The following DKKL1 variants were observed in gnomAD, a reference collection of about 807,000 sequenced individuals.
DKKL1 encodes the protein dickkopf like acrosomal protein 1, also known as dickkopf-like protein 1.
In DKKL1, 11 loss-of-function variants were observed where a neutral mutation model predicts 16.5. The ratio of observed to expected loss-of-function variants is 0.67; its 90% CI spans 0.42 to 1.10. DKKL1 has a LOEUF of 1.10. Among genes scored for constraint, DKKL1 ranks in the 50% least tolerant of loss-of-function variants. The probability of loss-of-function intolerance (pLI) is 0.00; values close to 1 mark genes in which losing one functional copy is unlikely to be tolerated. For synonymous variants in DKKL1, 119 were observed against 133.2 expected (o/e 0.89, Z 0.73); for missense variants, 320 against 308.1 (o/e 1.04, Z -0.29).
chr19:49,360,991 G>A (rs1397886873), upstream of DKKL1, among the ~76,000 whole-genome samples: 4 of 87,488 alleles, frequency 4.6e-5, no homozygotes, highest in Non-Finnish European at 8.8e-5. Flanking sequence ...AGAGAGAGGG[G>A]GACAGAGACC....
In DKKL1 at chr19:49,365,550, C is replaced by A; in HGVS notation, c.225C>A (p.Pro75=). The A allele has an allele frequency of 1.9e-6, 3 of 1,613,698 alleles. No individual in the cohort carries two copies. The highest frequency in any genetic ancestry group is 2.5e-6 in the Non-Finnish European group (3 of 1,179,826). Residue 75 remains proline, a synonymous_variant, in exon 3 of 5, where the codon CCC becomes CCA. Coordinates refer to ENST00000221498, the MANE Select transcript of DKKL1 (RefSeq NM_014419.4). ...GCATAGACAGCTTATTCTCTGCCCC[C>A]ATGGACTTCCGGGGCCTCCCTGGGA... ...LRGIDSLFSA[P]MDFRGLPGNY...
At chr19:49,364,248 G>A (rs1214694122) in intron 1 of DKKL1, among the ~76,000 whole-genome samples, 1 of 151,952 alleles carries the variant, frequency 6.6e-6, no homozygotes, top group Non-Finnish European at 1.5e-5. Context: ...TACTTCGGGG[G>A]GCTGAGGTGG....
At chr19:49,372,175 T>C (rs537792540) in intron 4 of DKKL1, among the ~76,000 whole-genome samples, 72 of 152,294 alleles carry the variant, frequency 4.7e-4, no homozygotes, top group African/African-American at 1.7e-3. Context: ...GTTGGCATCA[T>C]TGGCATGTGG....
chr19:49,364,766 C>G lies in DKKL1; in HGVS notation c.183+12C>G. ...GACTTTTCCTGAAAGTAAGCGATGG[C>G]GGGGGGATGGGGGAAGAAGTACTGA... On this transcript the variant is annotated intron_variant, in intron 2 of 4. Coordinates refer to ENST00000221498, the MANE Select transcript of DKKL1 (RefSeq NM_014419.4). 1 of 1,609,512 alleles carries G rather than the reference C, an allele frequency of 6.2e-7. No individual in the cohort carries two copies. Among genetic ancestry groups the G allele is most frequent in the Non-Finnish European group, 8.5e-7 (1 of 1,177,676 alleles).
In DKKL1 at chr19:49,374,798, G is replaced by GT; in HGVS notation, c.500dup (p.Ala168GlyfsTer6). The GT allele has an allele frequency of 6.2e-7, 1 of 1,612,598 alleles. No homozygotes were observed. The highest frequency in any genetic ancestry group is 1.1e-5 in the South Asian group (1 of 90,846). ...CTTCCACACAGAACTCCATCCCCGG[G>GT]TGGCCTTCTGGATCATTAAGCTGCC... is the stretch of plus-strand genomic sequence containing the variant. On this transcript the variant is annotated frameshift_variant, in exon 5 of 5. Coordinates refer to ENST00000221498, the MANE Select transcript of DKKL1 (RefSeq NM_014419.4). LOFTEE classifies it low-confidence loss of function (END_TRUNC).
At chr19:49,367,277 C>T (rs1358611993) in intron 4 of DKKL1, among the ~76,000 whole-genome samples, 1 of 152,228 alleles carries the variant, frequency 6.6e-6, no homozygotes, top group African/African-American at 2.4e-5. Context: ...CTCAGCTGAT[C>T]CACCTGCCTC....
At chr19:49,373,920 CCAAA>C (rs148555908) in intron 4 of DKKL1, among the ~76,000 whole-genome samples, 3,510 of 152,132 alleles carry the variant, frequency 0.023, 148 homozygotes, top group African/African-American at 0.08. Context: ...ATTGCAAGGA[CCAAA>C]CAGACACTCA....
chr19:49,362,911 GTTTT>G (rs146994868), upstream of DKKL1, among the ~76,000 whole-genome samples: 1 of 137,084 alleles, frequency 7.3e-6, no homozygotes, highest in African/African-American at 2.8e-5. Flanking sequence ...TTGGTTTTTG[GTTTT>G]TTTGTTTTTT....
intron 4 of DKKL1, among the ~76,000 whole-genome samples, chr19:49,371,970 T>A (rs1380706005): frequency 6.6e-6 from 1 of 152,230 alleles, no homozygotes; most frequent in African/African-American, 2.4e-5. Flanking sequence ...TGTGGCCGAA[T>A]AGTATTCCAT....
At chr19:49,371,749 C>G (rs922836106) in intron 4 of DKKL1, among the ~76,000 whole-genome samples, 9 of 152,102 alleles carry the variant, frequency 5.9e-5, no homozygotes, top group African/African-American at 2.2e-4. Flanking sequence ...GGTGTTTCTC[C>G]TGATGCTATC....
At position 49,363,954 on chromosome 19, in the gene DKKL1, G is replaced by C; in HGVS notation, c.-45G>C. ...GGAATCCGGGAGTCCGGTGACCCGG[G>C]CTGTGGTCTAGCATAAAGGCGGAGC... On this transcript the variant is annotated 5_prime_UTR_variant, in exon 1 of 5. Coordinates refer to ENST00000221498, the MANE Select transcript of DKKL1 (RefSeq NM_014419.4). The C allele has an allele frequency of 3.1e-6, 5 of 1,610,714 alleles. No homozygotes were observed. The South Asian group carries it at 5.5e-5, about 18-fold the overall frequency.
At chr19:49,373,866 G>T (rs1176077636) in intron 4 of DKKL1, among the ~76,000 whole-genome samples, 2 of 152,110 alleles carry the variant, frequency 1.3e-5, no homozygotes, top group African/African-American at 4.8e-5. Flanking sequence ...AGTGGGGTGG[G>T]ACCTATTAAT....
rs1348387704 is a variant in DKKL1 at position 49,365,630 on chromosome 19, G to T, written c.305G>T (p.Ser102Ile). 1 of 1,612,928 alleles carries T rather than the reference G, an allele frequency of 6.2e-7. No individual in the cohort carries two copies. Residue 102 changes from serine (S) to isoleucine (I), a missense_variant, in exon 3 of 5, where the codon AGC becomes ATC. Coordinates refer to ENST00000221498, the MANE Select transcript of DKKL1 (RefSeq NM_014419.4). Reference protein sequence around the residue: ...EHQLGNNTLSSHLQIDKMTDN... With the variant: ...EHQLGNNTLSIHLQIDKMTDN... ...CAGCTGGGGAACAACACCCTCTCCA[G>T]CCACCTCCAGATCGACAAGGTGCCT...
intron 4 of DKKL1, chr19:49,370,599 G>A (rs1350078570): frequency 6.6e-6 from 1 of 152,156 alleles, no homozygotes; most frequent in Admixed American, 6.5e-5. Context: ...TTCCCATGGA[G>A]GATACCCTGG....
rs573671237 is a variant in DKKL1, at chr19:49,368,238, G to A, written c.417+2353G>A. On this transcript the variant is annotated intron_variant, in intron 4 of 4. Transcript: ENST00000221498. ...TGAGGTAAAAGAATTGTTTGAACCC[G>A]GGAGGCAGAGGTTGCAGTGAGCCAA... Among the ~76,000 whole-genome samples, 24 of 151,962 alleles carry A rather than the reference G, an allele frequency of 1.6e-4. No homozygotes were observed. In the East Asian group the frequency reaches 1.9e-3, roughly 12 times the overall value.
At chr19:49,363,812 T>C (rs1346975860), upstream of DKKL1, 5 of 816,040 alleles carry the variant, frequency 6.1e-6, no homozygotes, top group Non-Finnish European at 8.0e-6. Context: ...GCCGGCAAGT[T>C]TGGAGCGTGG....
Position 49,374,634 on chromosome 19 carries a change from G to C in DKKL1, c.418-83G>C, listed in dbSNP as rs1457300649. On this transcript the variant is annotated intron_variant, in intron 4 of 4. Transcript: ENST00000221498. ...CACAAAGCATCCTGTCATCTGCAAAGTGGGCTGAATAGGTCAGTGGGGACT... is the reference window on the plus strand; with the variant it reads ...CACAAAGCATCCTGTCATCTGCAAACTGGGCTGAATAGGTCAGTGGGGACT... 2.1e-5 allele frequency: 28 copies of C among 1,312,194 alleles called. No individual in the cohort carries two copies. The East Asian group carries it at 6.9e-4, about 32-fold the overall frequency. 81.3% of individuals were successfully genotyped at this position (1,312,194 alleles called of 1,614,324 possible). A position where few individuals can be genotyped will look rare whatever the true frequency, so the allele number is the denominator to read the frequency against.
chr19:49,363,813 T>A, upstream of DKKL1: 1 of 822,406 alleles, frequency 1.2e-6, no homozygotes, highest in East Asian at 2.7e-5. Context: ...CCGGCAAGTT[T>A]GGAGCGTGGT....
At chr19:49,366,978 G>A (rs150345571) in intron 4 of DKKL1, among the ~76,000 whole-genome samples, 2 of 151,664 alleles carry the variant, frequency 1.3e-5, no homozygotes, top group Non-Finnish European at 2.9e-5. Context: ...AAAGTACTAG[G>A]ATTATAGACA....
Sources: allele counts gnomAD v4.1 joint callset (sites outside exome capture counted in the v4.1 genomes callset), GRCh38; gene constraint gnomAD v4.1.1; transcripts MANE v1.5; gene names NCBI Gene and HGNC (gene_info 2026-07-23, HGNC 2026-07-21).